CORO7: variants seen among roughly 807,000 people sequenced by gnomAD.
CORO7 encodes the protein coronin-7.
In CORO7, 107 loss-of-function variants were observed where a neutral mutation model predicts 126.6. The ratio of observed to expected loss-of-function variants is 0.85; its 90% confidence interval spans 0.72 to 0.99. The LOEUF is 0.99. Ranked by LOEUF, CORO7 falls within the 50% of genes least tolerant of loss-of-function variation. The pLI is 0.00. For missense variants in CORO7, 1,314 were observed against 1,255.8 expected, an observed-to-expected ratio of 1.05 and a Z score of -0.70; for synonymous variants, 603 against 536.8, an observed-to-expected ratio of 1.12 and a Z score of -1.70.
intron 6 of CORO7, among the ~76,000 whole-genome samples, chr16:4,399,516 G>T (rs2141295011): frequency 6.6e-6 from 1 of 152,302 alleles, no homozygotes; most frequent in Middle Eastern, 3.4e-3. Context: ...GGGAACTGCT[G>T]TTTAATGGGT....
chr16:4,388,147 CT>C (rs2055261642), intron 8 of CORO7, 79 bp from the exon 9 acceptor site: 2 of 1,537,610 alleles, frequency 1.3e-6, no homozygotes, highest in Non-Finnish European at 1.8e-6. Context: ...AAACCAGCGC[CT>C]GAGGGTGCAG....
chr16:4,370,325 G>C (rs1382599827), intron 9 of CORO7, among the ~76,000 whole-genome samples: 1 of 152,254 alleles, frequency 6.6e-6, no homozygotes, highest in East Asian at 1.9e-4. Context: ...CAGCTTGGCA[G>C]GAGGCAGCAG....
intron 9 of CORO7, among the ~76,000 whole-genome samples, chr16:4,370,612 G>C (rs1277343800): frequency 2.6e-5 from 4 of 152,254 alleles, no homozygotes; most frequent in Admixed American, 2.6e-4. Context: ...GGGTTGTGGA[G>C]CCCTGCCAGC....
chr16:4,403,475 G>C (rs184832365), intron 6 of CORO7, among the ~76,000 whole-genome samples: 148 of 152,256 alleles, frequency 9.7e-4, no homozygotes, highest in Non-Finnish European at 1.6e-3. Flanking sequence ...AGGGAAGGAG[G>C]GGGAGTCGTT....
chr16:4,410,963 A>C (rs2056183912), intron 3 of CORO7, among the ~76,000 whole-genome samples: 1 of 152,272 alleles, frequency 6.6e-6, no homozygotes, highest in Admixed American at 6.5e-5. Flanking sequence ...GAAGCAGATC[A>C]GCTGTTGCCT....
At chr16:4,390,616 G>A (rs2055354022) in intron 7 of CORO7, among the ~76,000 whole-genome samples, 1 of 152,200 alleles carries the variant, frequency 6.6e-6, no homozygotes, top group Admixed American at 6.5e-5. Context: ...AGCCTGCAGG[G>A]TCCCCCAGGG....
chr16:4,410,867 G>C (rs2056180114), intron 3 of CORO7, among the ~76,000 whole-genome samples: 1 of 152,232 alleles, frequency 6.6e-6, no homozygotes, highest in Non-Finnish European at 1.5e-5. Context: ...GGGCGTGGCA[G>C]CGTTCCAATA....
intron 9 of CORO7, among the ~76,000 whole-genome samples, chr16:4,380,323 C>T (rs2054909297): frequency 6.6e-6 from 1 of 152,218 alleles, no homozygotes; most frequent in Non-Finnish European, 1.5e-5. Context: ...TCTGACTGCC[C>T]AAGTGGAAAA....
intron 7 of CORO7, among the ~76,000 whole-genome samples, chr16:4,389,579 G>A (rs925305094): frequency 2.0e-5 from 3 of 152,148 alleles, no homozygotes; most frequent in African/African-American, 7.2e-5. Context: ...CATCGGAAAC[G>A]GCTCCAGGTC....
At position 4,405,596 on chromosome 16, in the gene CORO7, C is replaced by A. The variant is rs142375319; in HGVS notation, c.488-29G>T. 2.2e-5 allele frequency: 35 copies of A among 1,604,510 alleles called. No individual in the cohort carries two copies. In the South Asian group the frequency reaches 3.4e-4, roughly 16 times the overall value. On this transcript the variant is annotated intron_variant, in intron 5 of 27. Coordinates refer to ENST00000251166, the MANE Select transcript of CORO7 (RefSeq NM_024535.5). The stretch of plus-strand genomic sequence containing the variant: ...CAGAGAAGCAGTCACAGTCAGGTCC[C>A]GGGCAGTGAGGGCACCAGGGAAGTG...
chr16:4,405,425 C>A lies in CORO7; in HGVS notation c.564+66G>T, dbSNP rs75455579. 1.6e-4 allele frequency: 239 copies of A among 1,539,338 alleles called. 1 individual carries two copies. In the East Asian group the frequency reaches 5.5e-3, roughly 36 times the overall value. The stretch of plus-strand genomic sequence containing the variant: ...TAAACAACAAGCCTGGAAGGCCCAG[C>A]CCAGGGGGTCCCAGCCCAGGAGGCC... On this transcript the variant is annotated intron_variant, in intron 6 of 27. Transcript: ENST00000251166.
rs530692067 is a variant in CORO7 at position 4,404,019 on chromosome 16, G to C, written c.564+1472C>G. On this transcript the variant is annotated intron_variant, in intron 6 of 27. Coordinates refer to ENST00000251166, the MANE Select transcript of CORO7 (RefSeq NM_024535.5). ...TCCCTGGGGGCCTTATTGGCCCCCA[G>C]AGCTTAGGCCAGTCTCTCAGGACTC... Among the ~76,000 whole-genome samples, 15 of 152,316 alleles carry C rather than the reference G, an allele frequency of 9.8e-5. No homozygotes were observed. In the East Asian group the frequency reaches 2.7e-3, roughly 27 times the overall value.
At chr16:4,410,503 C>T (rs892648509) in intron 3 of CORO7, among the ~76,000 whole-genome samples, 1 of 152,142 alleles carries the variant, frequency 6.6e-6, no homozygotes, top group Non-Finnish European at 1.5e-5. Context: ...TGGGTAAGTT[C>T]CTAACCTTGC....
chr16:4,416,111 G>A (rs2056401842), intron 1 of CORO7, among the ~76,000 whole-genome samples: 1 of 152,148 alleles, frequency 6.6e-6, no homozygotes, highest in Non-Finnish European at 1.5e-5. Flanking sequence ...CCGAGCCCCG[G>A]CTCCCGGCGA....
intron 9 of CORO7, among the ~76,000 whole-genome samples, chr16:4,376,428 T>C (rs888971975): frequency 1.3e-5 from 2 of 152,186 alleles, no homozygotes; most frequent in African/African-American, 4.8e-5. Context: ...GGGTCAGACC[T>C]GCAGCGCCTG....
chr16:4,413,344 T>G lies in CORO7; in HGVS notation c.121A>C (p.Ser41Arg), dbSNP rs1364084145. The G allele has an allele frequency of 3.2e-6, 5 of 1,586,588 alleles. No homozygotes were observed. The highest frequency in any genetic ancestry group is 4.3e-6 in the Non-Finnish European group (5 of 1,165,514). The change falls in exon 2 of 28, where the codon AGC becomes CGC. Residue 41 changes from serine to arginine, a missense_variant. Physicochemically the swap from Ser to Arg is moderately radical, Grantham distance 110. Coordinates refer to ENST00000251166, the MANE Select transcript of CORO7 (RefSeq NM_024535.5). ...GAGTTGAAGGCGATCAAGCTGCAGCTTGATTTGATGTGGTTCCTGCATGAA... is the reference window on the plus strand; with the variant it reads ...GAGTTGAAGGCGATCAAGCTGCAGCGTGATTTGATGTGGTTCCTGCATGAA... ...APSCRNHIKSSCSLIAFNSDR... is the reference protein window; with the variant it reads ...APSCRNHIKSRCSLIAFNSDR...
At chr16:4,359,809 T>TA (rs1003569495) in intron 21 of CORO7, among the ~76,000 whole-genome samples, 188 bp from the exon 22 acceptor site, 1 of 151,720 alleles carries the variant, frequency 6.6e-6, no homozygotes, top group African/African-American at 2.4e-5. Flanking sequence ...TCTCCTCCAC[T>TA]AATCACTCAC....
intron 21 of CORO7, among the ~76,000 whole-genome samples, chr16:4,360,069 A>G (rs1298971001): frequency 6.9e-6 from 1 of 145,218 alleles, no homozygotes; most frequent in African/African-American, 2.6e-5. Flanking sequence ...CCGCCCATCT[A>G]TCCCCACATT....
chr16:4,388,114 C>A, intron 8 of CORO7, 46 bp from the exon 9 acceptor site: 1 of 1,580,966 alleles, frequency 6.3e-7, no homozygotes, highest in Non-Finnish European at 8.6e-7. Context: ...TGTCCCTCAG[C>A]CCCACCCGGG....
Sources: allele counts gnomAD v4.1 joint callset (sites outside exome capture counted in the v4.1 genomes callset), GRCh38; gene constraint gnomAD v4.1.1; transcripts MANE v1.5; gene names NCBI Gene and HGNC (gene_info 2026-07-23, HGNC 2026-07-21).